Variants in PRPF8 observed in about 807,000 individuals in gnomAD.
PRPF8 encodes the protein pre-mRNA processing factor 8.
Under a neutral mutation model 285.9 loss-of-function variants are expected in PRPF8, and 64 were observed. That is an observed-to-expected ratio of 0.22 (90% CI 0.18 to 0.28). The LOEUF is 0.28. Among genes scored for constraint, PRPF8 ranks in the 10% least tolerant of loss-of-function variants. The probability of loss-of-function intolerance (pLI) is 1.00; values close to 1 mark genes in which losing one functional copy is unlikely to be tolerated. For synonymous variants in PRPF8, 1,325 were observed against 1,118.2 expected (o/e 1.18, Z -3.69); for missense variants, 1,426 against 3,026.7 (o/e 0.47, Z 12.41).
Position 1,676,731 on chromosome 17 carries a change from A to C in PRPF8, c.2182-20T>G, listed in dbSNP as rs761508430. On this transcript the variant is annotated intron_variant, in intron 15 of 42. Coordinates refer to ENST00000304992, the MANE Select transcript of PRPF8 (RefSeq NM_006445.4). This position sits in a 1 kb window ranked among gnomAD's most constrained non-coding sequence, Gnocchi z 6.3. ...AGGGACCTAAAAGTCCAAAAAGCAC[A>C]ATCAAGCCAGGATCCAGCCAGGCAC... 1.2e-6 allele frequency: 2 copies of C among 1,612,774 alleles called. No homozygotes were observed. Among genetic ancestry groups the C allele is most frequent in the East Asian group, 4.5e-5 (2 of 44,850 alleles).
chr17:1,669,564 T>A (rs758759983), intron 24 of PRPF8, among the ~76,000 whole-genome samples: 4 of 152,248 alleles, frequency 2.6e-5, no homozygotes, highest in Non-Finnish European at 5.9e-5. Flanking sequence ...AGATTGTCCT[T>A]GCTGTCTCCA....
At chr17:1,668,518 A>G (rs1912126603) in intron 24 of PRPF8, among the ~76,000 whole-genome samples, 1 of 151,530 alleles carries the variant, frequency 6.6e-6, no homozygotes, top group Non-Finnish European at 1.5e-5. Context: ...GCCCGCCACG[A>G]CATCCAGCTA....
intron 6 of PRPF8, 54 bp from the exon 7 acceptor site, chr17:1,681,108 C>CAAA: frequency 6.5e-7 from 1 of 1,549,644 alleles, no homozygotes; most frequent in Non-Finnish European, 8.9e-7. Flanking sequence ...GACAGGGTCT[C>CAAA]ACTCTTATCA....
chr17:1,666,765 G>A (rs745632939), intron 24 of PRPF8, among the ~76,000 whole-genome samples: 3 of 152,004 alleles, frequency 2.0e-5, no homozygotes, highest in Non-Finnish European at 4.4e-5. Context: ...TGAGCAAATG[G>A]TATTCAGACA....
At chr17:1,664,231 C>T (rs1911833140) in intron 24 of PRPF8, among the ~76,000 whole-genome samples, 1 of 152,120 alleles carries the variant, frequency 6.6e-6, no homozygotes, top group Non-Finnish European at 1.5e-5. Flanking sequence ...TGGGGTTTCG[C>T]TATGTTGCCC....
intron 24 of PRPF8, among the ~76,000 whole-genome samples, chr17:1,668,349 G>C (rs988128040): frequency 6.9e-6 from 1 of 144,922 alleles, no homozygotes; most frequent in South Asian, 2.2e-4. Context: ...ATGGGGTCTA[G>C]CATTCTTTTT....
chr17:1,671,701 CTT>C (rs988959259), intron 24 of PRPF8, among the ~76,000 whole-genome samples: 1 of 151,540 alleles, frequency 6.6e-6, no homozygotes, highest in African/African-American at 2.4e-5. Flanking sequence ...AATACAAAAA[CTT>C]AGCCGGGCGT....
rs573028130 is a variant in PRPF8, at chr17:1,665,541, C to CA, written c.3775-3389dup. Reference sequence around the variant, plus strand: ...CGACAGAGCAAGACTCCGTCTCAAACAAAAAAAAACGAGAAAGGTCAGCTG... The same window carrying CA: ...CGACAGAGCAAGACTCCGTCTCAAACAAAAAAAAAACGAGAAAGGTCAGCTG... On this transcript the variant is annotated intron_variant, in intron 24 of 42. Coordinates refer to ENST00000304992, the MANE Select transcript of PRPF8 (RefSeq NM_006445.4). 8.6e-3 allele frequency among the ~76,000 whole-genome samples: 1,093 copies of CA among 127,046 alleles called. 10 individuals carry two copies. The highest frequency in any genetic ancestry group is 0.014 in the Non-Finnish European group (848 of 59,496). The allele number at this position is 127,046 out of a possible 152,430, so 83.3% of individuals were successfully genotyped here.
intron 1 of PRPF8, 52 bp downstream of exon 1, chr17:1,684,728 G>T: frequency 1.3e-6 from 1 of 745,068 alleles, no homozygotes; most frequent in Non-Finnish European, 2.3e-6. Context: ...CGGTCACTCG[G>T]CCCGACCCGA....
At chr17:1,684,310 C>T (rs1022728089) in intron 2 of PRPF8, among the ~76,000 whole-genome samples, 162 bp downstream of exon 2, 1 of 152,248 alleles carries the variant, frequency 6.6e-6, no homozygotes, top group African/African-American at 2.4e-5. Context: ...TCAGCGCTTG[C>T]AAATAATACG....
intron 30 of PRPF8, 33 bp downstream of exon 30, chr17:1,660,399 C>A (rs1179747530): frequency 1.2e-6 from 2 of 1,612,306 alleles, no homozygotes; most frequent in East Asian, 4.5e-5. Flanking sequence ...AGCTGACTCT[C>A]TACAGTACCC....
At chr17:1,664,545 G>A (rs1279781731) in intron 24 of PRPF8, among the ~76,000 whole-genome samples, 2 of 152,150 alleles carry the variant, frequency 1.3e-5, no homozygotes, top group African/African-American at 2.4e-5. Flanking sequence ...AGTAGCTCAT[G>A]CCCGTAATCC....
Position 1,661,968 on chromosome 17 carries a change from C to T in PRPF8, c.3960G>A (p.Lys1320=). The change falls in exon 25 of 43, where the codon AAG becomes AAA. Residue 1320 remains lysine (K), a synonymous_variant. Transcript: ENST00000304992. The surrounding 1 kb of genome is among the most constrained non-coding windows in gnomAD (Gnocchi z 7.3). ...AGAGCATGCCGAGTCCACCCAACTC[C>T]TTAGGGGTGTAGAACACAACCGGGG... is the stretch of plus-strand genomic sequence containing the variant. ...RFPPVVFYTP[K]ELGGLGMLSM... is the part of the protein sequence containing the mutation. 5.0e-6 allele frequency: 8 copies of T among 1,614,150 alleles called. No homozygotes were observed. The highest frequency in any genetic ancestry group is 6.8e-6 in the Non-Finnish European group (8 of 1,180,040).
Position 1,651,995 on chromosome 17 carries a change from CTGAG to C in PRPF8, c.6370-211_6370-208del. On this transcript the variant is annotated intron_variant, in intron 39 of 42. Transcript: ENST00000304992. The surrounding 1 kb of genome is among the most constrained non-coding windows in gnomAD (Gnocchi z 5.1). ...CGCGGACTTACCACATCAGAATCTC[CTGAG>C]TGGGGTCCAGGAATCTGCACTGCTC... 1 of 671,986 alleles carries C rather than the reference CTGAG, an allele frequency of 1.5e-6. No homozygotes were observed. Among genetic ancestry groups the C allele is most frequent in the Non-Finnish European group, 2.6e-6 (1 of 380,140 alleles). 41.6% of individuals were successfully genotyped at this position (671,986 alleles called of 1,614,324 possible). A position where few individuals can be genotyped will look rare whatever the true frequency, so the allele number is the denominator to read the frequency against.
intron 34 of PRPF8, among the ~76,000 whole-genome samples, chr17:1,657,969 TAAA>T (rs58695090): frequency 0.21 from 20,030 of 93,890 alleles, 3,908 homozygotes; most frequent in African/African-American, 0.53. Flanking sequence ...AGACTCCGGC[TAAA>T]AAAAAAAAAA....
intron 24 of PRPF8, among the ~76,000 whole-genome samples, chr17:1,668,493 G>T (rs1912124322): frequency 6.6e-6 from 1 of 151,064 alleles, no homozygotes; most frequent in South Asian, 2.1e-4. Flanking sequence ...CCCCTGAGTA[G>T]CTGGGACCAC....
chr17:1,661,278 T>C lies in PRPF8; in HGVS notation c.4331A>G (p.Gln1444Arg), dbSNP rs1911666579. Residue 1444 changes from glutamine (Q) to arginine (R), a missense_variant, in exon 27 of 43, where the codon CAG (glutamine) becomes CGG (arginine). This residue lies in a region of PRPF8 where 40 missense variants were observed against 121.6 expected (regional missense o/e 0.33). Coordinates refer to ENST00000304992, the MANE Select transcript of PRPF8 (RefSeq NM_006445.4). The surrounding 1 kb of genome is among the most constrained non-coding windows in gnomAD (Gnocchi z 7.3). Reference protein sequence around the residue: ...KGWRVRTDFKQYQVLKQNPFW... With the variant: ...KGWRVRTDFKRYQVLKQNPFW... Reference sequence around the variant, plus strand: ...TCTGCTCCCTCTACATACCTGATACTGCTTAAAGTCAGTTCTGACACGCCA... The same window carrying C: ...TCTGCTCCCTCTACATACCTGATACCGCTTAAAGTCAGTTCTGACACGCCA... 1 of 1,614,042 alleles carries C rather than the reference T, an allele frequency of 6.2e-7. No individual in the cohort carries two copies. Among genetic ancestry groups the C allele is most frequent in the African/African-American group, 1.3e-5 (1 of 74,892 alleles).
At position 1,650,961 on chromosome 17, in the gene PRPF8, G is replaced by A. The variant is rs764408714; in HGVS notation, c.6854-5C>T. On this transcript the variant is annotated splice_region_variant and splice_polypyrimidine_tract_variant and intron_variant, in intron 42 of 42. Transcript: ENST00000304992. ...TGTTGGGGTCATGCCGAACACCTTC[G>A]GGGAGAAGGAAACAGCCAATGTTAA... The A allele has an allele frequency of 1.5e-5, 25 of 1,614,012 alleles. No individual in the cohort carries two copies. Among genetic ancestry groups the A allele is most frequent in the African/African-American group, 2.7e-5 (2 of 74,892 alleles).
chr17:1,665,845 CAAAA>C (rs1275826190), intron 24 of PRPF8, among the ~76,000 whole-genome samples: 2 of 84,170 alleles, frequency 2.4e-5, no homozygotes. Flanking sequence ...GACTCCATCT[CAAAA>C]AAAAAAAAAA....
Sources: allele counts gnomAD v4.1 joint callset (sites outside exome capture counted in the v4.1 genomes callset), GRCh38; gene constraint gnomAD v4.1.1; regional missense constraint gnomAD v4.1.1; non-coding constraint Gnocchi (gnomAD v3.1); transcripts MANE v1.5; gene names NCBI Gene and HGNC (gene_info 2026-07-23, HGNC 2026-07-21).